The following GPC6 variants were observed in gnomAD, a reference collection of about 807,000 sequenced individuals.
The protein encoded by GPC6 is glypican 6.
In GPC6, 14 loss-of-function variants were observed where a neutral mutation model predicts 55.2. The ratio of observed to expected loss-of-function variants is 0.25; its 90% CI spans 0.17 to 0.40. The LOEUF (loss-of-function observed/expected upper bound fraction) is 0.40. Among genes scored for constraint, GPC6 ranks in the 10% least tolerant of loss-of-function variants. The probability of loss-of-function intolerance (pLI) is 1.00; values close to 1 mark genes in which losing one functional copy is unlikely to be tolerated. For missense variants in GPC6, 641 were observed against 708.5 expected (o/e 0.90, Z 1.08); for synonymous variants, 278 against 259.6 (o/e 1.07, Z -0.68).
chr13:93,456,095 G>A (rs11619421), intron 1 of GPC6, among the ~76,000 whole-genome samples: 66,096 of 152,024 alleles, frequency 0.43, 15,624 homozygotes, highest in Middle Eastern at 0.65. Context: ...TGCGAGGGCT[G>A]GAGAATTGTA....
intron 3 of GPC6, among the ~76,000 whole-genome samples, chr13:94,012,954 TC>T (rs1882306062): frequency 6.6e-6 from 1 of 152,208 alleles, no homozygotes; most frequent in Non-Finnish European, 1.5e-5. Context: ...GACAACTATT[TC>T]CTGATGAGAC....
chr13:93,563,406 C>T (rs1340722350), intron 2 of GPC6, among the ~76,000 whole-genome samples: 1 of 151,896 alleles, frequency 6.6e-6, no homozygotes, highest in Non-Finnish European at 1.5e-5. Context: ...AGAGTTCCAG[C>T]ACTGGAGATG....
intron 2 of GPC6, among the ~76,000 whole-genome samples, chr13:93,737,072 C>A (rs1884030186): frequency 6.6e-6 from 1 of 152,222 alleles, no homozygotes; most frequent in African/African-American, 2.4e-5. Flanking sequence ...TTCTCTGCAA[C>A]TCTAGTTGTA....
intron 2 of GPC6, among the ~76,000 whole-genome samples, chr13:93,655,955 TA>T (rs1397524902): frequency 1.3e-5 from 2 of 152,196 alleles, no homozygotes; most frequent in Admixed American, 1.3e-4. Context: ...ATTCTTTTGA[TA>T]AAATATATTT....
intron 4 of GPC6, among the ~76,000 whole-genome samples, chr13:94,053,540 C>T (rs1884028535): frequency 6.6e-6 from 1 of 152,068 alleles, no homozygotes; most frequent in Non-Finnish European, 1.5e-5. Flanking sequence ...CTGCAGTGAA[C>T]CATGGTAGTT....
intron 4 of GPC6, among the ~76,000 whole-genome samples, chr13:94,211,318 G>A (rs1594061842): frequency 6.6e-6 from 1 of 152,034 alleles, no homozygotes; most frequent in East Asian, 1.9e-4. Flanking sequence ...GGTATTTATT[G>A]GATACAATAA....
intron 3 of GPC6, among the ~76,000 whole-genome samples, chr13:93,985,639 C>T (rs1880992581): frequency 7.9e-6 from 1 of 126,834 alleles, no homozygotes; most frequent in African/African-American, 2.9e-5. Flanking sequence ...CCACAGTGGG[C>T]CATAATTGTG....
intron 2 of GPC6, among the ~76,000 whole-genome samples, chr13:93,780,631 A>AC (rs199789736): frequency 8.5e-4 from 128 of 151,108 alleles, no homozygotes; most frequent in African/African-American, 2.8e-3. Context: ...ACACACACAC[A>AC]AAATAAAATT....
chr13:93,514,549 C>T (rs1229098765), intron 1 of GPC6, among the ~76,000 whole-genome samples: 1 of 152,212 alleles, frequency 6.6e-6, no homozygotes, highest in Non-Finnish European at 1.5e-5. Flanking sequence ...GAGCATCTCA[C>T]ATCCTTGGTA....
intron 2 of GPC6, among the ~76,000 whole-genome samples, chr13:93,653,085 G>T (rs1037162339): frequency 1.3e-5 from 2 of 152,156 alleles, no homozygotes; most frequent in Non-Finnish European, 2.9e-5. Flanking sequence ...TACACATAAA[G>T]CAGTGGCTTT....
the GPC6 span, among the ~76,000 whole-genome samples, chr13:93,217,675 G>A: frequency 6.6e-6 from 1 of 152,096 alleles, no homozygotes; most frequent in East Asian, 1.9e-4. Flanking sequence ...CCCTCCATGG[G>A]GTTTGAAAAT....
At chr13:93,250,205 G>T (rs1876737779) in intron 1 of GPC6, among the ~76,000 whole-genome samples, 1 of 152,166 alleles carries the variant, frequency 6.6e-6, no homozygotes, top group African/African-American at 2.4e-5. Context: ...TCTTAGAATA[G>T]TATCTGACAA....
rs775197869 is a variant in GPC6, at chr13:94,382,564, G to T, written c.1289+14G>T. The stretch of plus-strand genomic sequence containing the variant: ...CAGCAAAGCCAGGTGAGGGTGACTC[G>T]ATGTGTGCATGGATGGGGGCACAGC... On this transcript the variant is annotated intron_variant, in intron 7 of 8. Coordinates refer to ENST00000377047, the MANE Select transcript of GPC6 (RefSeq NM_005708.5). 3 of 1,613,946 alleles carry T rather than the reference G, an allele frequency of 1.9e-6. No homozygotes were observed. The African/African-American group carries it at 4.0e-5, about 22-fold the overall frequency.
At chr13:94,316,954 T>C (rs1018478888) in intron 6 of GPC6, among the ~76,000 whole-genome samples, 2 of 152,222 alleles carry the variant, frequency 1.3e-5, no homozygotes, top group African/African-American at 4.8e-5. Flanking sequence ...TCATACATCA[T>C]CATTTAAAAT....
At chr13:94,297,836 G>T (rs910483285) in intron 5 of GPC6, among the ~76,000 whole-genome samples, 1 of 152,102 alleles carries the variant, frequency 6.6e-6, no homozygotes, top group Admixed American at 6.5e-5. Flanking sequence ...GGGACATAGA[G>T]TTTGCCAGAG....
At chr13:93,506,271 T>A (rs1249711914) in intron 1 of GPC6, among the ~76,000 whole-genome samples, 1 of 152,112 alleles carries the variant, frequency 6.6e-6, no homozygotes, top group Non-Finnish European at 1.5e-5. Context: ...ATTTGCAAAA[T>A]TTGAGGGGGG....
At chr13:93,401,999 G>A (rs1380766801) in intron 1 of GPC6, among the ~76,000 whole-genome samples, 6 of 152,100 alleles carry the variant, frequency 3.9e-5, no homozygotes, top group Admixed American at 3.3e-4. Flanking sequence ...AGAAAGGCGA[G>A]CATTATCTCC....
chr13:93,329,709 T>C (rs138353634), intron 1 of GPC6, among the ~76,000 whole-genome samples: 35 of 152,180 alleles, frequency 2.3e-4, no homozygotes, highest in East Asian at 2.1e-3. Context: ...CTTCCAGGCT[T>C]CTCCCTGAAA....
In GPC6 at chr13:93,845,862, T is replaced by C. The variant is rs1039634059; in HGVS notation, c.711+15317T>C. 4.2e-5 allele frequency among the ~76,000 whole-genome samples: 6 copies of C among 142,736 alleles called. No homozygotes were observed. In the East Asian group the frequency reaches 7.0e-4, roughly 17 times the overall value. 93.6% of individuals were successfully genotyped at this position (142,736 alleles called of 152,430 possible). ...GTGGGGGGAGGGGGGAGGGATAGCA[T>C]TGGGAGATATATCTAATGCTAGATG... On this transcript the variant is annotated intron_variant, in intron 3 of 8. Transcript: ENST00000377047.
Sources: allele counts gnomAD v4.1 joint callset (sites outside exome capture counted in the v4.1 genomes callset), GRCh38; gene constraint gnomAD v4.1.1; transcripts MANE v1.5; gene names NCBI Gene and HGNC (gene_info 2026-07-23, HGNC 2026-07-21).